The following ARHGAP26 variants were observed in gnomAD, a reference collection of about 807,000 sequenced individuals.
ARHGAP26 encodes rho GTPase-activating protein 26.
ARHGAP26 carries 38 observed loss-of-function variants against 104.8 expected under a neutral mutation model. The observed-to-expected ratio is 0.36, with a 90% CI of 0.28 to 0.48. The LOEUF is 0.48. ARHGAP26 is among the 20% of genes least tolerant of loss of function. The pLI is 0.99. For missense variants in ARHGAP26, 704 were observed against 947.9 expected (o/e 0.74, Z 3.38); for synonymous variants, 341 against 340.0 (o/e 1.00, Z -0.03).
In ARHGAP26 at chr5:142,781,143, A is replaced by G. The variant is rs111560206; in HGVS notation, c.154+10228A>G. On this transcript the variant is annotated intron_variant, in intron 1 of 22. Transcript: ENST00000645722. ...AGCAGTTTAAAAGGGCCTCTGGGGG[A>G]GGGAGCAGAGGCCTGTGGGAAAGGC... Among the ~76,000 whole-genome samples the G allele has an allele frequency of 9.7e-3, 1,477 of 152,226 alleles. 7 individuals carry two copies. The highest frequency in any genetic ancestry group is 0.027 in the Middle Eastern group (8 of 294).
chr5:143,014,381 A>G (rs1598633083), intron 12 of ARHGAP26: 1 of 535,616 alleles, frequency 1.9e-6, no homozygotes, highest in Non-Finnish European at 3.4e-6. Context: ...TCTCGTGTAC[A>G]TTATCTCCTT....
intron 11 of ARHGAP26, among the ~76,000 whole-genome samples, chr5:143,004,123 T>A (rs1777601109): frequency 6.6e-6 from 1 of 151,896 alleles, no homozygotes; most frequent in African/African-American, 2.4e-5. Context: ...TTGAACATAG[T>A]TTGAACACTC....
intron 20 of ARHGAP26, among the ~76,000 whole-genome samples, chr5:143,188,255 C>G (rs531086909): frequency 6.6e-6 from 1 of 152,160 alleles, no homozygotes; most frequent in Non-Finnish European, 1.5e-5. Flanking sequence ...CCAGAGCTGA[C>G]CTAGAACACA....
chr5:143,221,630 C>T (rs564206956), intron 22 of ARHGAP26, among the ~76,000 whole-genome samples: 9 of 152,240 alleles, frequency 5.9e-5, no homozygotes, highest in East Asian at 3.9e-4. Context: ...CCTCCCGCTT[C>T]GGCACTCCCC....
chr5:142,883,256 A>G (rs1305950195), intron 4 of ARHGAP26, among the ~76,000 whole-genome samples: 2 of 152,270 alleles, frequency 1.3e-5, no homozygotes, highest in South Asian at 2.1e-4. Flanking sequence ...TGGGACCAGG[A>G]TTCTCCTTTT....
At chr5:143,144,672 C>T (rs1421430008) in intron 19 of ARHGAP26, among the ~76,000 whole-genome samples, 1 of 152,154 alleles carries the variant, frequency 6.6e-6, no homozygotes, top group African/African-American at 2.4e-5. Flanking sequence ...CCTCTGAAGG[C>T]GATGGGATTA....
At chr5:143,194,838 T>G (rs1053728257) in intron 20 of ARHGAP26, among the ~76,000 whole-genome samples, 1 of 152,220 alleles carries the variant, frequency 6.6e-6, no homozygotes, top group Non-Finnish European at 1.5e-5. Context: ...AAAATCACCA[T>G]GAGGCTTAGT....
intron 10 of ARHGAP26, among the ~76,000 whole-genome samples, chr5:142,924,017 G>A (rs1288638818): frequency 2.0e-5 from 3 of 151,646 alleles, no homozygotes; most frequent in Admixed American, 1.3e-4. Flanking sequence ...GCCTGCCACC[G>A]CACCTGGCTA....
intron 11 of ARHGAP26, among the ~76,000 whole-genome samples, chr5:143,006,784 GA>G (rs548953277): frequency 5.3e-5 from 8 of 152,174 alleles, no homozygotes; most frequent in Non-Finnish European, 1.2e-4. Context: ...TCATGCTTCA[GA>G]TTCAAACAAT....
intron 12 of ARHGAP26, among the ~76,000 whole-genome samples, chr5:143,031,873 G>C (rs1267108774): frequency 6.6e-6 from 1 of 152,000 alleles, no homozygotes; most frequent in African/African-American, 2.4e-5. Flanking sequence ...TTGTACCTTA[G>C]AGTTGTTCTT....
chr5:142,784,921 G>A (rs1383430587), intron 1 of ARHGAP26, among the ~76,000 whole-genome samples: 2 of 146,552 alleles, frequency 1.4e-5, no homozygotes, highest in African/African-American at 5.3e-5. Flanking sequence ...CACTTCCTTA[G>A]GATTTTTTTT....
rs558697295 is a variant in ARHGAP26, at chr5:142,864,655, C to T, written c.155-8745C>T. On this transcript the variant is annotated intron_variant, in intron 1 of 22. Transcript: ENST00000645722. ...CTTTGGTTGATTCTCCTTTCTCCAA[C>T]CTGCTGGTAAACTTCCACTCCACCT... is the stretch of plus-strand genomic sequence containing the variant. Among the ~76,000 whole-genome samples the T allele has an allele frequency of 2.0e-5, 3 of 152,340 alleles. No individual in the cohort carries two copies. In the South Asian group the frequency reaches 6.2e-4, roughly 32 times the overall value.
intron 12 of ARHGAP26, chr5:143,014,424 C>G (rs1779314530): frequency 2.7e-6 from 1 of 370,756 alleles, no homozygotes; most frequent in African/African-American, 2.1e-5. Flanking sequence ...AGCTCGTCAC[C>G]ACTTAAAAGT....
intron 11 of ARHGAP26, among the ~76,000 whole-genome samples, chr5:142,942,378 T>C (rs1399931137): frequency 6.6e-6 from 1 of 152,156 alleles, no homozygotes; most frequent in Non-Finnish European, 1.5e-5. Context: ...GTTATCAAAG[T>C]ATTAAAACAT....
Position 143,187,904 on chromosome 5 carries a change from T to C in ARHGAP26, c.1989-19294T>C, listed in dbSNP as rs143168078. Among the ~76,000 whole-genome samples, 18 of 152,346 alleles carry C rather than the reference T, an allele frequency of 1.2e-4. No individual in the cohort carries two copies. The East Asian group carries it at 3.5e-3, about 29-fold the overall frequency. On this transcript the variant is annotated intron_variant, in intron 20 of 22. Transcript: ENST00000645722. ...GAGAGAAACATTTTGCTCTTGACAC[T>C]GATTGTCCCTTCTCAGCTGTAAGGA...
intron 1 of ARHGAP26, among the ~76,000 whole-genome samples, chr5:142,792,741 T>C (rs914013464): frequency 2.6e-5 from 4 of 152,186 alleles, no homozygotes; most frequent in Non-Finnish European, 5.9e-5. Flanking sequence ...ATGAGCAGCG[T>C]TGGAGGATTT....
intron 20 of ARHGAP26, among the ~76,000 whole-genome samples, chr5:143,160,224 T>C (rs1046778347): frequency 2.0e-5 from 3 of 151,994 alleles, no homozygotes; most frequent in Non-Finnish European, 2.9e-5. Flanking sequence ...CACACCTTGC[T>C]AATTTTTTTT....
At chr5:142,962,984 T>C (rs190671707) in intron 11 of ARHGAP26, among the ~76,000 whole-genome samples, 1 of 151,966 alleles carries the variant, frequency 6.6e-6, no homozygotes, top group Non-Finnish European at 1.5e-5. Context: ...CTCCAGTGTC[T>C]GTTGTTCCCC....
At chr5:143,157,970 CAAT>C (rs1455230871) in intron 20 of ARHGAP26, among the ~76,000 whole-genome samples, 4 of 152,156 alleles carry the variant, frequency 2.6e-5, no homozygotes, top group Non-Finnish European at 5.9e-5. Context: ...GAAATGGTAG[CAAT>C]AATAATAATA....
Sources: gnomAD v4.1 joint callset for allele counts (sites outside exome capture counted in the v4.1 genomes callset) on GRCh38, gnomAD v4.1.1 for gene constraint, MANE v1.5 for transcripts, NCBI Gene and HGNC (gene_info 2026-07-23, HGNC 2026-07-21) for gene names.